Variants in PDGFA observed in about 807,000 individuals in gnomAD.
PDGFA encodes the protein platelet-derived growth factor subunit A.
PDGFA carries 9 observed loss-of-function variants against 25.6 expected under a neutral mutation model. The ratio of observed to expected loss-of-function variants is 0.35; its 90% CI spans 0.21 to 0.61. PDGFA has a LOEUF of 0.61. PDGFA is among the 20% of genes least tolerant of loss of function. The pLI, the probability that PDGFA is intolerant of heterozygous loss-of-function variation, is 0.75. For synonymous variants in PDGFA, 133 were observed against 111.8 expected (o/e 1.19, Z -1.20); for missense variants, 242 against 272.8 (o/e 0.89, Z 0.79).
At chr7:516,007 C>CG (rs1401017540) in intron 2 of PDGFA, among the ~76,000 whole-genome samples, 1 of 114,562 alleles carries the variant, frequency 8.7e-6, no homozygotes, top group Non-Finnish European at 1.8e-5. Flanking sequence ...CACCCCCCCC[C>CG]AGAAAAAGCC....
chr7:502,738 C>A (rs1782401466), intron 4 of PDGFA, among the ~76,000 whole-genome samples: 1 of 148,478 alleles, frequency 6.7e-6, no homozygotes, highest in South Asian at 2.2e-4. Context: ...GAGAGGGGAG[C>A]TTCAGGCATT....
intron 4 of PDGFA, among the ~76,000 whole-genome samples, chr7:506,509 G>A (rs910186830): frequency 2.0e-5 from 3 of 152,056 alleles, no homozygotes; most frequent in Non-Finnish European, 4.4e-5. Flanking sequence ...CTGTTCCAGG[G>A]AGCAGAGGCC....
At chr7:498,625 A>G in intron 5 of PDGFA, 51 bp from the exon 6 acceptor site, 1 of 1,581,182 alleles carries the variant, frequency 6.3e-7, no homozygotes. Flanking sequence ...CAAGTGAACC[A>G]CCCAGCACAC....
chr7:515,967 C>A (rs1783069976), intron 2 of PDGFA, among the ~76,000 whole-genome samples: 1 of 150,996 alleles, frequency 6.6e-6, no homozygotes, highest in Non-Finnish European at 1.5e-5. Context: ...CGAGGAGGCC[C>A]AGCTCTCCAC....
chr7:514,325 G>C (rs763519064), intron 2 of PDGFA, among the ~76,000 whole-genome samples: 10 of 152,154 alleles, frequency 6.6e-5, no homozygotes, highest in Non-Finnish European at 1.3e-4. Flanking sequence ...TTAATAAACA[G>C]AGAAGACGGC....
chr7:518,752 C>T (rs2128408793), intron 1 of PDGFA, among the ~76,000 whole-genome samples, 187 bp downstream of exon 1: 1 of 152,340 alleles, frequency 6.6e-6, no homozygotes, highest in South Asian at 2.1e-4. Flanking sequence ...GCGACCGACG[C>T]AACACGCTGG....
At chr7:515,857 T>C (rs1783064911) in intron 2 of PDGFA, among the ~76,000 whole-genome samples, 1 of 151,934 alleles carries the variant, frequency 6.6e-6, no homozygotes. Flanking sequence ...AAGGCGATAA[T>C]GGGTGGGGGT....
chr7:504,447 C>T (rs948837069), intron 4 of PDGFA, among the ~76,000 whole-genome samples: 4 of 152,126 alleles, frequency 2.6e-5, no homozygotes, highest in Admixed American at 6.5e-5. Flanking sequence ...GATCCCAGTG[C>T]GCAAAACCAG....
Position 511,543 on chromosome 7 carries a change from T to C in PDGFA, c.266-547A>G, listed in dbSNP as rs187258067. 1.3e-3 allele frequency among the ~76,000 whole-genome samples: 195 copies of C among 152,284 alleles called. 2 individuals carry two copies. Among genetic ancestry groups the C allele is most frequent in the Non-Finnish European group, 1.9e-4 (13 of 68,008 alleles). On this transcript the variant is annotated intron_variant, in intron 3 of 5. Transcript: ENST00000402802. ...CAGCAAATGTCACCTGGGGAGGGCC[T>C]GCTTGCATCAGCTGGGACTAGCCAG...
chr7:519,802 G>A (rs1054527762), upstream of PDGFA, among the ~76,000 whole-genome samples: 9 of 148,682 alleles, frequency 6.1e-5, no homozygotes, highest in African/African-American at 1.2e-4. Context: ...AGTAGGCGCA[G>A]GCCCGGCTCG....
At chr7:498,534 C>T in exon 6 of PDGFA, 2 of 1,604,262 alleles carry the variant, frequency 1.2e-6, no homozygotes, top group South Asian at 2.3e-5. Context: ...CATGTACATC[C>T]ATGTCCCAGG....
intron 2 of PDGFA, among the ~76,000 whole-genome samples, chr7:516,327 C>T (rs899995063): frequency 7.9e-5 from 12 of 151,988 alleles, no homozygotes; most frequent in Admixed American, 3.3e-4. Flanking sequence ...CAGGCCTCTC[C>T]ACCACCATAA....
chr7:500,736 G>C lies in PDGFA; in HGVS notation c.580+380C>G. 1.4e-6 allele frequency: 2 copies of C among 1,437,952 alleles called. No individual in the cohort carries two copies. The highest frequency in any genetic ancestry group is 9.1e-7 in the Non-Finnish European group (1 of 1,100,796). 89.1% of individuals were successfully genotyped at this position (1,437,952 alleles called of 1,614,324 possible). A position where few individuals can be genotyped will look rare whatever the true frequency, so the allele number is the denominator to read the frequency against. ...CGGGGTGAAGGAGAGACCCCAGCCAGCCAGGGCAACTGCAGTCCTCGAACC... is the reference window on the plus strand; with the variant it reads ...CGGGGTGAAGGAGAGACCCCAGCCACCCAGGGCAACTGCAGTCCTCGAACC... On this transcript the variant is annotated intron_variant, in intron 5 of 5. Coordinates refer to ENST00000402802, the Ensembl canonical transcript of PDGFA. The surrounding 1 kb of genome is among the most constrained non-coding windows in gnomAD (Gnocchi z 5.0).
chr7:520,255 G>A (rs545923235), upstream of PDGFA: 1 of 197,228 alleles, frequency 5.1e-6, no homozygotes, highest in African/African-American at 2.4e-5. Context: ...GCCAAAAAGG[G>A]CCAGAGAGCC....
At chr7:520,098 T>C, upstream of PDGFA, 1 of 393,506 alleles carries the variant, frequency 2.5e-6, no homozygotes, top group Non-Finnish European at 5.0e-6. Flanking sequence ...TCCGCGCCCC[T>C]CCCTCGAGCT....
At chr7:507,328 T>C (rs1272514786) in intron 4 of PDGFA, among the ~76,000 whole-genome samples, 1 of 152,206 alleles carries the variant, frequency 6.6e-6, no homozygotes, top group Non-Finnish European at 1.5e-5. Context: ...TAGGACACCC[T>C]GTCCCGGCAG....
At chr7:509,657 A>G (rs926730562) in intron 4 of PDGFA, among the ~76,000 whole-genome samples, 5 of 152,150 alleles carry the variant, frequency 3.3e-5, no homozygotes, top group South Asian at 2.1e-4. Context: ...CCTAGGGAGC[A>G]TGTTCATCCC....
upstream of PDGFA, chr7:520,641 G>C (rs1783330582): frequency 6.6e-6 from 1 of 152,300 alleles, no homozygotes; most frequent in African/African-American, 2.4e-5. Context: ...GGTCCCCCGG[G>C]TTCTGAGCCT....
chr7:519,885 C>G (rs1446605659), upstream of PDGFA: 2 of 145,762 alleles, frequency 1.4e-5, no homozygotes, highest in African/African-American at 2.7e-5. Flanking sequence ...ATAGCGCCGC[C>G]GCCGCGCCCC....
Sources: allele counts gnomAD v4.1 joint callset (sites outside exome capture counted in the v4.1 genomes callset), GRCh38; gene constraint gnomAD v4.1.1; non-coding constraint Gnocchi (gnomAD v3.1); transcripts MANE v1.5; gene names NCBI Gene and HGNC (gene_info 2026-07-23, HGNC 2026-07-21).